Variants in PCSK6 observed in about 807,000 individuals in gnomAD.
PCSK6 encodes the protein paired basic amino acid cleaving enzyme 4.
In PCSK6, 85 loss-of-function variants were observed where a neutral mutation model predicts 123.3. The observed-to-expected ratio is 0.69, with a 90% CI of 0.58 to 0.83. The LOEUF is 0.83. PCSK6 is among the 40% of genes least tolerant of loss of function. The probability of loss-of-function intolerance (pLI) is 0.00; values close to 1 mark genes in which losing one functional copy is unlikely to be tolerated. For synonymous variants in PCSK6, 508 were observed against 516.0 expected (o/e 0.98, Z 0.21); for missense variants, 1,191 against 1,282.3 (o/e 0.93, Z 1.09).
rs886884912 is a variant in PCSK6 at position 101,394,597 on chromosome 15, A to G, written c.997-1173T>C. 1.3e-5 allele frequency among the ~76,000 whole-genome samples: 2 copies of G among 152,204 alleles called. 1 individual carries two copies. Among genetic ancestry groups the G allele is most frequent in the Non-Finnish European group, 2.9e-5 (2 of 68,040 alleles). On this transcript the variant is annotated intron_variant, in intron 7 of 21. Coordinates refer to ENST00000611716, the MANE Select transcript of PCSK6 (RefSeq NM_002570.5). Reference sequence around the variant, plus strand: ...TTACTAAGGACCGTCCTTCCCAAACAAACAGAGGAAATTTATACTTATGCT... The same window carrying G: ...TTACTAAGGACCGTCCTTCCCAAACGAACAGAGGAAATTTATACTTATGCT...
At chr15:101,358,725 C>G (rs542715669) in intron 13 of PCSK6, among the ~76,000 whole-genome samples, 6 of 152,358 alleles carry the variant, frequency 3.9e-5, no homozygotes, top group Admixed American at 3.9e-4. Flanking sequence ...CTCAAAAGCA[C>G]TGGGCCCATA....
At chr15:101,367,075 A>G (rs531360151) in intron 12 of PCSK6, among the ~76,000 whole-genome samples, 21 of 152,214 alleles carry the variant, frequency 1.4e-4, no homozygotes, top group Middle Eastern at 3.4e-3. Flanking sequence ...CCCCACCCCC[A>G]GCAGTACCCT....
At chr15:101,391,089 G>A (rs899346056) in intron 8 of PCSK6, among the ~76,000 whole-genome samples, 1 of 152,276 alleles carries the variant, frequency 6.6e-6, no homozygotes, top group East Asian at 1.9e-4. Context: ...AAGATGTGAC[G>A]GGAAGGCCAA....
In PCSK6 at chr15:101,404,036, T is replaced by C. The variant is rs537542172; in HGVS notation, c.824-5460A>G. Among the ~76,000 whole-genome samples, 5 of 152,378 alleles carry C rather than the reference T, an allele frequency of 3.3e-5. No homozygotes were observed. The South Asian group carries it at 6.2e-4, about 19-fold the overall frequency. On this transcript the variant is annotated intron_variant, in intron 6 of 21. Coordinates refer to ENST00000611716, the MANE Select transcript of PCSK6 (RefSeq NM_002570.5). ...ATTGTATATATGCTTAAGTGATACA[T>C]TGTTTAATTTTGCTTGTACTGAGAA...
rs558493166 is a variant in PCSK6 at position 101,485,989 on chromosome 15, G to A, written c.297+3385C>T. Among the ~76,000 whole-genome samples the A allele has an allele frequency of 4.9e-3, 651 of 132,414 alleles. 9 individuals are homozygous for A. The highest frequency in any genetic ancestry group is 5.7e-3 in the Non-Finnish European group (366 of 63,880). 86.9% of individuals were successfully genotyped at this position (132,414 alleles called of 152,430 possible). On this transcript the variant is annotated intron_variant, in intron 1 of 21. Transcript: ENST00000611716. Reference sequence around the variant, plus strand: ...TTTTTTTTTTTTTTTTTGAGACGGAGTTTCACTCTTGTCGCCCAGGCTGGA... The same window carrying A: ...TTTTTTTTTTTTTTTTTGAGACGGAATTTCACTCTTGTCGCCCAGGCTGGA...
chr15:101,467,564 C>T (rs762920711), intron 1 of PCSK6, among the ~76,000 whole-genome samples: 30 of 152,290 alleles, frequency 2.0e-4, no homozygotes, highest in Admixed American at 4.6e-4. Context: ...TGAGCCACCA[C>T]GACTGGCCAA....
rs535513603 is a variant in PCSK6, at chr15:101,366,779, C to T, written c.1722-447G>A. Among the ~76,000 whole-genome samples, 9 of 152,298 alleles carry T rather than the reference C, an allele frequency of 5.9e-5. No individual in the cohort carries two copies. The Middle Eastern group carries it at 0.017, about 288-fold the overall frequency. ...GGGGGTCCCCCTGGGGTACCTTCACCGAAGCCCAGAGAGTGCTCACTAAGG... is the reference window on the plus strand; with the variant it reads ...GGGGGTCCCCCTGGGGTACCTTCACTGAAGCCCAGAGAGTGCTCACTAAGG... On this transcript the variant is annotated intron_variant, in intron 12 of 21. Transcript: ENST00000611716.
intron 1 of PCSK6, among the ~76,000 whole-genome samples, chr15:101,452,657 C>T (rs1466018810): frequency 2.0e-5 from 3 of 152,094 alleles, no homozygotes; most frequent in East Asian, 1.9e-4. Context: ...CGTGGGGCTA[C>T]GGGTGGGAAC....
At chr15:101,331,099 T>A (rs2040362438) in intron 15 of PCSK6, among the ~76,000 whole-genome samples, 1 of 152,308 alleles carries the variant, frequency 6.6e-6, no homozygotes, top group Admixed American at 6.5e-5. Context: ...AAGAACAGCT[T>A]CTAGTCTAAC....
intron 6 of PCSK6, among the ~76,000 whole-genome samples, chr15:101,422,123 A>G (rs2056102219): frequency 6.6e-6 from 1 of 152,230 alleles, no homozygotes; most frequent in South Asian, 2.1e-4. Context: ...CTTTTGGTGC[A>G]GAGAGGCTAG....
intron 6 of PCSK6, among the ~76,000 whole-genome samples, chr15:101,406,555 C>G (rs2042787627): frequency 6.6e-6 from 1 of 152,086 alleles, no homozygotes; most frequent in African/African-American, 2.4e-5. Context: ...TATGAGCAGC[C>G]ATTCCGGGCC....
Position 101,424,935 on chromosome 15 carries a change from A to T in PCSK6, c.823+2957T>A, listed in dbSNP as rs115089108. Among the ~76,000 whole-genome samples, 536 of 152,336 alleles carry T rather than the reference A, an allele frequency of 3.5e-3. 4 individuals are homozygous for T. Among genetic ancestry groups the T allele is most frequent in the African/African-American group, 0.012 (500 of 41,572 alleles). On this transcript the variant is annotated intron_variant, in intron 6 of 21. Transcript: ENST00000611716. ...TATGCCGCTGACAGAGAGACGAAAG[A>T]GATGAGGGTCACAGTTCTGGGCCTC...
intron 1 of PCSK6, among the ~76,000 whole-genome samples, chr15:101,477,127 A>G (rs2057751463): frequency 6.6e-6 from 1 of 152,244 alleles, no homozygotes; most frequent in East Asian, 1.9e-4. Context: ...AGCTACGCCA[A>G]GGTACACTGA....
chr15:101,404,063 T>C (rs1284943454), intron 6 of PCSK6, among the ~76,000 whole-genome samples: 1 of 152,262 alleles, frequency 6.6e-6, no homozygotes, highest in Non-Finnish European at 1.5e-5. Context: ...TACTGAGAAT[T>C]AATCCTTTGT....
intron 12 of PCSK6, among the ~76,000 whole-genome samples, chr15:101,367,855 C>T (rs2041448269): frequency 6.6e-6 from 1 of 152,186 alleles, no homozygotes; most frequent in Non-Finnish European, 1.5e-5. Context: ...GACAGACTCT[C>T]TTTCTGTCAC....
At chr15:101,342,656 CT>C (rs1157472081) in intron 13 of PCSK6, among the ~76,000 whole-genome samples, 5 of 152,200 alleles carry the variant, frequency 3.3e-5, no homozygotes, top group African/African-American at 1.2e-4. Context: ...AATCCCAGCA[CT>C]TTGGGAGGCT....
At chr15:101,350,860 G>C (rs994310342) in intron 13 of PCSK6, among the ~76,000 whole-genome samples, 16 of 152,336 alleles carry the variant, frequency 1.1e-4, no homozygotes, top group African/African-American at 3.6e-4. Context: ...CGCTGCAGCC[G>C]ACCAGCACTG....
rs367665181 is a variant in PCSK6 at position 101,398,631 on chromosome 15, C to T, written c.824-55G>A. ...CGCCCAGGCTCCGGGCACACAGCGA[C>T]GGGAACCCGGGCCCAGGAGGCTCGG... On this transcript the variant is annotated intron_variant, in intron 6 of 21. Coordinates refer to ENST00000611716, the MANE Select transcript of PCSK6 (RefSeq NM_002570.5). This position sits in a 1 kb window ranked among gnomAD's most constrained non-coding sequence, Gnocchi z 4.6. 4.5e-5 allele frequency: 71 copies of T among 1,564,532 alleles called. No homozygotes were observed. The highest frequency in any genetic ancestry group is 3.7e-4 in the Middle Eastern group (2 of 5,338).
At chr15:101,409,359 G>T (rs1016125653) in intron 6 of PCSK6, among the ~76,000 whole-genome samples, 4 of 152,102 alleles carry the variant, frequency 2.6e-5, no homozygotes, top group Admixed American at 2.6e-4. Flanking sequence ...GCCGAGGCGG[G>T]CGGATCACGA....
Sources: gnomAD v4.1 joint callset for allele counts (sites outside exome capture counted in the v4.1 genomes callset) on GRCh38, gnomAD v4.1.1 for gene constraint, Gnocchi (gnomAD v3.1) non-coding constraint, MANE v1.5 for transcripts, NCBI Gene and HGNC (gene_info 2026-07-23, HGNC 2026-07-21) for gene names.